The following EPB41 variants were observed in gnomAD, a reference collection of about 807,000 sequenced individuals.
EPB41 encodes protein 4.1.
Under a neutral mutation model 108.0 loss-of-function variants are expected in EPB41, and 65 were observed. The observed-to-expected ratio is 0.60, with a 90% CI of 0.49 to 0.74. The LOEUF (loss-of-function observed/expected upper bound fraction) is 0.74, where lower values mean the gene tolerates loss of function less well. Ranked by LOEUF, EPB41 falls within the 30% of genes least tolerant of loss-of-function variation. The pLI, the probability that EPB41 is intolerant of heterozygous loss-of-function variation, is 0.00. For synonymous variants in EPB41, 336 were observed against 358.9 expected (o/e 0.94, Z 0.72); for missense variants, 875 against 1,037.0 (o/e 0.84, Z 2.15).
At chr1:29,033,656 G>C (rs1027792125) in intron 9 of EPB41, among the ~76,000 whole-genome samples, 1,573 of 152,168 alleles carry the variant, frequency 0.01, 32 homozygotes, top group African/African-American at 0.035. Context: ...AGCTTCTCGT[G>C]GTTACTGAGA....
intron 4 of EPB41, among the ~76,000 whole-genome samples, chr1:28,999,863 A>AGT (rs1270927594): frequency 6.6e-6 from 1 of 152,018 alleles, no homozygotes; most frequent in African/African-American, 2.4e-5. Flanking sequence ...GGCTCACTGC[A>AGT]GTCTCTGCTT....
intron 1 of EPB41, among the ~76,000 whole-genome samples, chr1:28,926,231 T>TG (rs2093438517): frequency 6.6e-6 from 1 of 151,882 alleles, no homozygotes; most frequent in African/African-American, 2.4e-5. Context: ...GAGATCTGGG[T>TG]GGGGCTACAG....
At chr1:29,023,125 G>C (rs1488283205) in intron 7 of EPB41, among the ~76,000 whole-genome samples, 4 of 151,536 alleles carry the variant, frequency 2.6e-5, no homozygotes, top group African/African-American at 9.7e-5. Flanking sequence ...CTCCCGAGTA[G>C]CTAGGATTAC....
In EPB41 at chr1:28,887,778, C is replaced by G. The variant is rs983707297; in HGVS notation, c.-8+568C>G. The stretch of plus-strand genomic sequence containing the variant: ...GCTGTGCCCGCCAGGGTGGCCCCCC[C>G]GGCCGTCGCGCCAGCCCCACACCCT... On this transcript the variant is annotated intron_variant, in intron 1 of 16. Coordinates refer to the EPB41 transcript ENST00000347529. This position sits in a 1 kb window ranked among gnomAD's most constrained non-coding sequence, Gnocchi z 4.9. The G allele has an allele frequency of 1.4e-6, 1 of 736,392 alleles. No homozygotes were observed. The highest frequency in any genetic ancestry group is 1.7e-6 in the Non-Finnish European group (1 of 602,242). The allele number at this position is 736,392 out of a possible 1,614,324, so 45.6% of individuals were successfully genotyped here.
Position 29,053,202 on chromosome 1 carries a change from G to T in EPB41, c.1735G>T (p.Ala579Ser). 1.2e-6 allele frequency: 2 copies of T among 1,614,140 alleles called. No homozygotes were observed. Among genetic ancestry groups the T allele is most frequent in the South Asian group, 2.2e-5 (2 of 91,074 alleles). ...VAEGGVLDASAKKTVVPKAQK... is the reference protein window; with the variant it reads ...VAEGGVLDASSKKTVVPKAQK... ...AGAAGGTGGCGTCCTAGATGCCTCT[G>T]CTAAAAAAACAGTGGTCCCTAAAGC... The change falls in exon 12 of 21, where the codon GCT (alanine) becomes TCT (serine). Residue 579 changes from alanine (A) to serine (S), a missense_variant. Coordinates refer to ENST00000343067, the MANE Select transcript of EPB41 (RefSeq NM_001376013.1).
intron 1 of EPB41, among the ~76,000 whole-genome samples, chr1:28,939,601 G>A (rs924195870): frequency 2.6e-5 from 4 of 151,844 alleles, no homozygotes; most frequent in South Asian, 2.1e-4. Flanking sequence ...TTGACACCAC[G>A]CCCGGCTAAC....
At chr1:28,914,816 G>C (rs988522124) in intron 1 of EPB41, 48 bp downstream of exon 1, 1 of 152,672 alleles carries the variant, frequency 6.5e-6, no homozygotes, top group Non-Finnish European at 1.5e-5. Context: ...CGGTGGGCGT[G>C]GAGCTGTCCC....
intron 1 of EPB41, among the ~76,000 whole-genome samples, chr1:28,957,465 C>T (rs1030268073): frequency 2.6e-5 from 4 of 152,160 alleles, no homozygotes; most frequent in African/African-American, 7.2e-5. Flanking sequence ...AGTGCAGTGA[C>T]GTAGTCTTGG....
chr1:29,056,436 C>T (rs1222995516), intron 12 of EPB41, among the ~76,000 whole-genome samples: 1 of 152,064 alleles, frequency 6.6e-6, no homozygotes, highest in Non-Finnish European at 1.5e-5. Flanking sequence ...TATATTCTGC[C>T]AGTATACCTG....
intron 17 of EPB41, among the ~76,000 whole-genome samples, chr1:29,108,322 A>G (rs984700058): frequency 1.4e-5 from 2 of 145,010 alleles, no homozygotes; most frequent in African/African-American, 2.5e-5. Flanking sequence ...CTAATTTTGT[A>G]TTTTTAGTAG....
At chr1:29,034,277 T>A (rs969439475) in intron 9 of EPB41, among the ~76,000 whole-genome samples, 2 of 152,228 alleles carry the variant, frequency 1.3e-5, no homozygotes, top group African/African-American at 4.8e-5. Flanking sequence ...ACTAGGAATA[T>A]AACAGCAAAT....
intron 1 of EPB41, among the ~76,000 whole-genome samples, chr1:28,983,399 T>C (rs1042669977): frequency 1.1e-4 from 16 of 152,298 alleles, no homozygotes; most frequent in African/African-American, 3.6e-4. Context: ...TAATGGTGGT[T>C]TTCTGTGCTT....
In EPB41 at chr1:29,018,301, T is replaced by G; in HGVS notation, c.983T>G (p.Leu328Ter). 1 of 1,614,162 alleles carries G rather than the reference T, an allele frequency of 6.2e-7. No individual in the cohort carries two copies. Among genetic ancestry groups the G allele is most frequent in the Non-Finnish European group, 8.5e-7 (1 of 1,180,022 alleles). ...LPCSFATLALLGSYTIQSELG... is the reference protein window; with the variant it reads ...LPCSFATLAL Reference sequence around the variant, plus strand: ...TGTTCCTTTGCAACCTTAGCATTATTAGGTTCTTACACCATCCAGTCTGAA... The same window carrying G: ...TGTTCCTTTGCAACCTTAGCATTATGAGGTTCTTACACCATCCAGTCTGAA... The change falls in exon 7 of 21, where the codon TTA (leucine) becomes TGA (stop). Residue 328 changes from leucine (L) to a stop codon, truncating the protein, a stop_gained. Transcript: ENST00000343067. LOFTEE classifies it high-confidence loss of function. This position sits in a 1 kb window ranked among gnomAD's most constrained non-coding sequence, Gnocchi z 4.4.
chr1:28,989,519 C>A, intron 2 of EPB41: 1 of 353,548 alleles, frequency 2.8e-6, no homozygotes, highest in Non-Finnish European at 4.0e-6. Flanking sequence ...GAGATTTGGA[C>A]TCCATAGTTT....
chr1:28,964,303 A>G (rs2095304618), intron 1 of EPB41, among the ~76,000 whole-genome samples: 1 of 151,974 alleles, frequency 6.6e-6, no homozygotes, highest in Admixed American at 6.6e-5. Context: ...AATTAGCTGG[A>G]TGTGGTGGTG....
chr1:29,023,551 G>A (rs2096674212), intron 7 of EPB41, among the ~76,000 whole-genome samples: 1 of 151,680 alleles, frequency 6.6e-6, no homozygotes, highest in African/African-American at 2.4e-5. Flanking sequence ...GCCGGGCATG[G>A]TAGCACATGC....
chr1:29,058,625 T>A lies in EPB41; in HGVS notation c.1882T>A (p.Ser628Thr). The A allele has an allele frequency of 6.2e-7, 1 of 1,613,908 alleles. No homozygotes were observed. The part of the protein sequence containing the change: ...KTHIEVTVPT[S>T]NGDQTQKLAE... ...CCACATCGAGGTGACAGTACCCACC[T>A]CAAATGGTGACCAAACACAGGTTTG... The change falls in exon 13 of 21, where the codon TCA (serine) becomes ACA (threonine). Residue 628 changes from serine (S) to threonine (T), a missense_variant. By Grantham distance (58) the Ser-to-Thr change is moderately conservative. Around this residue, in one of 3 missense-constraint regions of EPB41, gnomAD observed 519 missense variants for 627.3 expected, o/e 0.83. Transcript: ENST00000343067.
chr1:29,059,776 T>C (rs1056094179), intron 14 of EPB41, among the ~76,000 whole-genome samples: 12 of 152,020 alleles, frequency 7.9e-5, no homozygotes, highest in African/African-American at 2.7e-4. Context: ...AGACCCTGTC[T>C]CCAAAAAAAC....
At chr1:29,102,367 A>G (rs1191329381) in intron 17 of EPB41, among the ~76,000 whole-genome samples, 1 of 152,118 alleles carries the variant, frequency 6.6e-6, no homozygotes, top group Non-Finnish European at 1.5e-5. Context: ...TGTATATTGC[A>G]GCTATGTGTG....
Sources: allele counts gnomAD v4.1 joint callset (sites outside exome capture counted in the v4.1 genomes callset), GRCh38; gene constraint gnomAD v4.1.1; regional missense constraint gnomAD v4.1.1; non-coding constraint Gnocchi (gnomAD v3.1); transcripts MANE v1.5; gene names NCBI Gene and HGNC (gene_info 2026-07-23, HGNC 2026-07-21).